The following ACACA variants were observed in gnomAD, a reference collection of about 807,000 sequenced individuals.
The protein encoded by ACACA is acetyl-CoA carboxylase 1.
In ACACA, 103 loss-of-function variants were observed where a neutral mutation model predicts 296.1. That is an observed-to-expected ratio of 0.35 (90% confidence interval 0.30 to 0.41). The LOEUF is 0.41. Ranked by LOEUF, ACACA falls within the 10% of genes least tolerant of loss-of-function variation. The pLI, the probability that ACACA is intolerant of heterozygous loss-of-function variation, is 1.00. For synonymous variants in ACACA, 953 were observed against 1,038.6 expected (o/e 0.92, Z 1.58); for missense variants, 1,554 against 2,989.7 (o/e 0.52, Z 11.20).
At chr17:37,267,287 G>T (rs977706403) in intron 10 of ACACA, among the ~76,000 whole-genome samples, 1 of 152,128 alleles carries the variant, frequency 6.6e-6, no homozygotes, top group Non-Finnish European at 1.5e-5. Context: ...GTCAAATATG[G>T]TCTCATTTAC....
intron 32 of ACACA, 131 bp from the exon 33 acceptor site, chr17:37,206,003 T>A (rs1245341372): frequency 2.6e-6 from 2 of 756,186 alleles, no homozygotes; most frequent in South Asian, 1.5e-5. Flanking sequence ...TGCCCAGCAG[T>A]AGGAATGAGC....
intron 1 of ACACA, among the ~76,000 whole-genome samples, chr17:37,390,129 T>TA (rs67386580): frequency 2.1e-5 from 1 of 47,590 alleles, no homozygotes; most frequent in African/African-American, 1.0e-4. Flanking sequence ...CTGTCTCTAT[T>TA]AAAAAAAAAA....
chr17:37,358,818 C>T (rs1052053751), intron 1 of ACACA, among the ~76,000 whole-genome samples: 4 of 152,216 alleles, frequency 2.6e-5, no homozygotes, highest in Non-Finnish European at 5.9e-5. Flanking sequence ...GAGGGGACCT[C>T]AAGGCCTCAG....
intron 1 of ACACA, among the ~76,000 whole-genome samples, chr17:37,351,321 G>A (rs572214466): frequency 5.9e-5 from 9 of 152,014 alleles, no homozygotes; most frequent in African/African-American, 2.2e-4. Flanking sequence ...AAATTAGCTG[G>A]GCATGGTGGC....
At chr17:37,365,579 T>A (rs1250380472) in intron 1 of ACACA, 9 of 985,344 alleles carry the variant, frequency 9.1e-6, no homozygotes. Context: ...TGCCCACAAC[T>A]GTGGCTCCAG....
chr17:37,367,226 G>GA (rs1179320113), intron 1 of ACACA, among the ~76,000 whole-genome samples: 7,626 of 98,286 alleles, frequency 0.078, 534 homozygotes, highest in African/African-American at 0.22. Context: ...ATTGGAAAAA[G>GA]AAAAAAAAAA....
chr17:37,307,758 T>G (rs2083949745), intron 3 of ACACA, among the ~76,000 whole-genome samples: 1 of 152,040 alleles, frequency 6.6e-6, no homozygotes, highest in Non-Finnish European at 1.5e-5. Context: ...GGCTAATTTT[T>G]TATATTTTTA....
intron 52 of ACACA, among the ~76,000 whole-genome samples, chr17:37,105,944 C>A (rs535079546): frequency 6.6e-6 from 1 of 151,316 alleles, no homozygotes; most frequent in South Asian, 2.1e-4. Flanking sequence ...GAGATAAGAA[C>A]AAGACCACCC....
At chr17:37,243,601 A>T in intron 21 of ACACA, 42 bp from the exon 22 acceptor site, 1 of 1,586,376 alleles carries the variant, frequency 6.3e-7, no homozygotes, top group Non-Finnish European at 8.7e-7. Context: ...AAGTTAACAC[A>T]ATCCCCCAAA....
chr17:37,276,075 C>G (rs774135585), intron 7 of ACACA, 26 bp from the exon 8 acceptor site: 1 of 1,551,684 alleles, frequency 6.4e-7, no homozygotes, highest in Non-Finnish European at 8.9e-7. Flanking sequence ...GAAAAGAATC[C>G]TGACTGTAAC....
rs910989117 is a variant in ACACA at position 37,257,825 on chromosome 17, G to A, written c.1704C>T (p.Phe568=). The change falls in exon 14 of 56, where the codon TTC becomes TTT. Residue 568 remains phenylalanine, a synonymous_variant. Coordinates refer to ENST00000616317, the MANE Select transcript of ACACA (RefSeq NM_198834.3). The part of the protein sequence containing the change: ...PSSGTVQELN[F]RSNKNVWGYF... ...ATCCCCAAACATTCTTATTGCTGCG[G>A]AAATTTAGCTCCTGAACTGTTCCTG... 6.2e-7 allele frequency: 1 copy of A among 1,614,034 alleles called. No homozygotes were observed. Among genetic ancestry groups the A allele is most frequent in the African/African-American group, 1.3e-5 (1 of 74,926 alleles).
At chr17:37,174,925 C>T (rs892982487) in intron 41 of ACACA, among the ~76,000 whole-genome samples, 1 of 152,134 alleles carries the variant, frequency 6.6e-6, no homozygotes, top group Non-Finnish European at 1.5e-5. Flanking sequence ...TTTGGATATA[C>T]ATCTTGTACC....
intron 3 of ACACA, among the ~76,000 whole-genome samples, chr17:37,320,155 T>C (rs958969426): frequency 1.3e-5 from 2 of 151,778 alleles, no homozygotes; most frequent in Non-Finnish European, 2.9e-5. Flanking sequence ...TATATAAATA[T>C]ATATTTTCTA....
intron 20 of ACACA, 135 bp from the exon 21 acceptor site, chr17:37,244,869 C>A: frequency 7.2e-7 from 1 of 1,393,866 alleles, no homozygotes; most frequent in Non-Finnish European, 1.0e-6. Context: ...ATAGAGGAAA[C>A]ATCATAAGGA....
intron 1 of ACACA, among the ~76,000 whole-genome samples, chr17:37,372,949 C>T (rs987585890): frequency 1.8e-4 from 28 of 151,518 alleles, no homozygotes; most frequent in African/African-American, 6.6e-4. Flanking sequence ...GGTGCAATCT[C>T]GGCTCACTGC....
intron 35 of ACACA, among the ~76,000 whole-genome samples, chr17:37,196,057 C>T (rs1004022195): frequency 4.6e-5 from 7 of 151,990 alleles, no homozygotes; most frequent in African/African-American, 1.7e-4. Context: ...TCAAGACACC[C>T]CGCAAATCAG....
chr17:37,251,922 A>T, intron 16 of ACACA, 83 bp downstream of exon 16: 6 of 1,282,746 alleles, frequency 4.7e-6, no homozygotes, highest in Non-Finnish European at 6.8e-6. Flanking sequence ...GAATGGACAG[A>T]AGAATAAATG....
intron 2 of ACACA, among the ~76,000 whole-genome samples, chr17:37,332,277 C>A (rs2047920146): frequency 6.6e-6 from 1 of 151,008 alleles, no homozygotes; most frequent in Admixed American, 6.6e-5. Flanking sequence ...CAGCAACATT[C>A]ATTCTCTTTT....
chr17:37,355,734 T>C (rs2049110771), intron 1 of ACACA, among the ~76,000 whole-genome samples: 1 of 151,754 alleles, frequency 6.6e-6, no homozygotes, highest in Non-Finnish European at 1.5e-5. Context: ...GGCACATGCC[T>C]GTAATCCCAG....
Sources: allele counts gnomAD v4.1 joint callset (sites outside exome capture counted in the v4.1 genomes callset), GRCh38; gene constraint gnomAD v4.1.1; transcripts MANE v1.5; gene names NCBI Gene and HGNC (gene_info 2026-07-23, HGNC 2026-07-21).